The following SMARCC1 variants were observed in gnomAD, a reference collection of about 807,000 sequenced individuals.
The protein encoded by SMARCC1 is SWI/SNF complex subunit SMARCC1.
Under a neutral mutation model 147.4 loss-of-function variants are expected in SMARCC1, and 43 were observed. The observed-to-expected ratio is 0.29, with a 90% CI of 0.23 to 0.38. The LOEUF is 0.38. Ranked by LOEUF, SMARCC1 falls within the 10% of genes least tolerant of loss-of-function variation. SMARCC1 has a pLI of 1.00. For missense variants in SMARCC1, 1,119 were observed against 1,381.1 expected (o/e 0.81, Z 3.01); for synonymous variants, 495 against 484.4 (o/e 1.02, Z -0.29).
chr3:47,740,851 A>AAG (rs2034501336), intron 3 of SMARCC1, among the ~76,000 whole-genome samples: 1 of 120,204 alleles, frequency 8.3e-6, no homozygotes, highest in African/African-American at 4.5e-5. Flanking sequence ...ACTCTGACTC[A>AAG]AAAAAAAAAA....
At chr3:47,622,069 A>G in intron 25 of SMARCC1, 138 bp downstream of exon 25, 1 of 774,680 alleles carries the variant, frequency 1.3e-6, no homozygotes, top group Non-Finnish European at 2.2e-6. Flanking sequence ...GAAAGGGCAA[A>G]TCAAACACAG....
In SMARCC1 at chr3:47,586,433, T is replaced by C. The variant is rs2032072222; in HGVS notation, c.*1776A>G. 6.6e-6 allele frequency: 1 copy of C among 152,378 alleles called. No homozygotes were observed. The highest frequency in any genetic ancestry group is 1.5e-5 in the Non-Finnish European group (1 of 68,032). 9.4% of individuals were successfully genotyped at this position (152,378 alleles called of 1,614,324 possible). A position where few individuals can be genotyped will look rare whatever the true frequency, so the allele number is the denominator to read the frequency against. ...TAAGCTCCAGTAGGAATAAACTCAT[T>C]CTCATTTCCACTCCCAAGAGTCCAG... On this transcript the variant is annotated 3_prime_UTR_variant, in exon 28 of 28. Transcript: ENST00000254480.
chr3:47,678,882 C>T (rs2033604821), intron 15 of SMARCC1, among the ~76,000 whole-genome samples: 1 of 152,206 alleles, frequency 6.6e-6, no homozygotes, highest in African/African-American at 2.4e-5. Context: ...TGCTGCCTAT[C>T]ACTTCTGTAT....
intron 25 of SMARCC1, among the ~76,000 whole-genome samples, chr3:47,616,024 C>G (rs777411296): frequency 3.3e-5 from 5 of 152,214 alleles, no homozygotes; most frequent in Non-Finnish European, 7.3e-5. Context: ...AAATGAACTT[C>G]AGAGAGACAG....
chr3:47,618,942 T>C (rs950356647), intron 25 of SMARCC1, among the ~76,000 whole-genome samples: 5 of 152,194 alleles, frequency 3.3e-5, no homozygotes, highest in Non-Finnish European at 5.9e-5. Context: ...CAGTGGGATC[T>C]ACCCAACCAT....
chr3:47,693,664 CCT>C, intron 11 of SMARCC1, among the ~76,000 whole-genome samples: 1 of 152,094 alleles, frequency 6.6e-6, no homozygotes, highest in South Asian at 2.1e-4. Flanking sequence ...AGAACTAATA[CCT>C]TTTTAGTTTG....
At chr3:47,626,267 C>G (rs2032808049) in intron 24 of SMARCC1, among the ~76,000 whole-genome samples, 1 of 151,618 alleles carries the variant, frequency 6.6e-6, no homozygotes, top group African/African-American at 2.4e-5. Flanking sequence ...CTGCTGCAGT[C>G]TCCTGAACAG....
chr3:47,655,340 G>A (rs1282627484), intron 21 of SMARCC1, among the ~76,000 whole-genome samples: 1 of 151,334 alleles, frequency 6.6e-6, no homozygotes, highest in Non-Finnish European at 1.5e-5. Context: ...CAGAGGTTGT[G>A]ATGGGCTGTG....
intron 2 of SMARCC1, among the ~76,000 whole-genome samples, chr3:47,758,142 A>G (rs2034724441): frequency 6.6e-6 from 1 of 152,088 alleles, no homozygotes; most frequent in African/African-American, 2.4e-5. Flanking sequence ...GAAAAACAAC[A>G]AGGGTCTCAC....
chr3:47,661,628 T>C (rs750930810), intron 20 of SMARCC1, among the ~76,000 whole-genome samples, 173 bp from the exon 21 acceptor site: 2 of 151,966 alleles, frequency 1.3e-5, no homozygotes, highest in Non-Finnish European at 2.9e-5. Context: ...AGACAAAAAA[T>C]AGTAATAATA....
intron 12 of SMARCC1, 69 bp downstream of exon 12, chr3:47,693,172 A>C: frequency 3.3e-6 from 3 of 908,594 alleles, no homozygotes; most frequent in Middle Eastern, 4.4e-4. Context: ...TTGGAAGAAT[A>C]GACTATCAAA....
intron 5 of SMARCC1, among the ~76,000 whole-genome samples, chr3:47,730,797 C>T (rs1227123640): frequency 6.6e-6 from 1 of 151,128 alleles, no homozygotes; most frequent in Non-Finnish European, 1.5e-5. Context: ...ACCCCGGAGG[C>T]AGAGGCTGCA....
chr3:47,771,100 G>C (rs2034908906), intron 2 of SMARCC1, among the ~76,000 whole-genome samples: 1 of 152,012 alleles, frequency 6.6e-6, no homozygotes, highest in African/African-American at 2.4e-5. Context: ...TAGTAGAGAT[G>C]GTGTTTCACC....
chr3:47,754,207 C>CTT lies in SMARCC1; in HGVS notation c.316-8216_316-8215dup, dbSNP rs35175630. ...TCACAACAAGCATATGAACTTTACT[C>CTT]TTTTTTTTTTTTTTGAGACTGAGTC... On this transcript the variant is annotated intron_variant, in intron 2 of 27. Coordinates refer to ENST00000254480, the MANE Select transcript of SMARCC1 (RefSeq NM_003074.4). Among the ~76,000 whole-genome samples the CTT allele has an allele frequency of 7.8e-3, 1,124 of 144,778 alleles. 8 individuals are homozygous for CTT. The highest frequency in any genetic ancestry group is 0.012 in the Non-Finnish European group (796 of 65,924). 95.0% of individuals were successfully genotyped at this position (144,778 alleles called of 152,430 possible).
At chr3:47,618,418 T>C (rs541900137) in intron 25 of SMARCC1, among the ~76,000 whole-genome samples, 65 of 150,332 alleles carry the variant, frequency 4.3e-4, no homozygotes, top group South Asian at 1.3e-3. Flanking sequence ...CAGTGCCTCA[T>C]GCCTGTAGTC....
At chr3:47,710,631 T>C (rs759064837) in intron 9 of SMARCC1, 52 bp downstream of exon 9, 105 of 1,584,620 alleles carry the variant, frequency 6.6e-5, no homozygotes, top group Non-Finnish European at 8.7e-5. Context: ...TTTAATAACA[T>C]TTAGGCCAAG....
At chr3:47,658,171 A>G (rs1318361669) in intron 21 of SMARCC1, among the ~76,000 whole-genome samples, 1 of 152,220 alleles carries the variant, frequency 6.6e-6, no homozygotes, top group Non-Finnish European at 1.5e-5. Context: ...TACTATAATC[A>G]GTAATGAAAA....
chr3:47,743,031 C>G (rs1484438542), intron 3 of SMARCC1, among the ~76,000 whole-genome samples: 1 of 152,120 alleles, frequency 6.6e-6, no homozygotes, highest in African/African-American at 2.4e-5. Context: ...GAAAGCAGAA[C>G]CACAATGAAA....
intron 2 of SMARCC1, among the ~76,000 whole-genome samples, chr3:47,769,932 A>AAAT (rs1290169588): frequency 6.6e-6 from 1 of 152,194 alleles, no homozygotes; most frequent in East Asian, 1.9e-4. Flanking sequence ...TGACATGTAA[A>AAAT]AATAAGGCTG....
Sources: allele counts gnomAD v4.1 joint callset (sites outside exome capture counted in the v4.1 genomes callset), GRCh38; gene constraint gnomAD v4.1.1; transcripts MANE v1.5; gene names NCBI Gene and HGNC (gene_info 2026-07-23, HGNC 2026-07-21).